Variants in PCDH15 observed in about 807,000 individuals in gnomAD.
The protein encoded by PCDH15 is protocadherin-15.
PCDH15 carries 129 observed loss-of-function variants against 178.5 expected under a neutral mutation model. That is an observed-to-expected ratio of 0.72 (90% CI 0.63 to 0.84). PCDH15 has a LOEUF of 0.84. PCDH15 is among the 40% of genes least tolerant of loss of function. The probability of loss-of-function intolerance (pLI) is 0.00; values close to 1 mark genes in which losing one functional copy is unlikely to be tolerated. For missense variants in PCDH15, 2,230 were observed against 2,099.9 expected, an observed-to-expected ratio of 1.06 and a Z score of -1.21; for synonymous variants, 800 against 732.0, an observed-to-expected ratio of 1.09 and a Z score of -1.50.
Position 55,247,260 on chromosome 10 carries a change from A to G in PCDH15, c.-156+72339T>C, listed in dbSNP as rs574257144. On this transcript the variant is annotated intron_variant, in intron 1 of 5. Coordinates refer to the PCDH15 transcript ENST00000458638. The stretch of plus-strand genomic sequence containing the variant: ...TAGTGGCCAGCCTATAGGTAGTTCT[A>G]GTTTTCATAATGGGAAAATAAAACT... 5.9e-5 allele frequency among the ~76,000 whole-genome samples: 9 copies of G among 152,318 alleles called. No individual in the cohort carries two copies. The South Asian group carries it at 1.9e-3, about 32-fold the overall frequency.
At chr10:54,206,795 G>T (rs1338951616) in intron 10 of PCDH15, among the ~76,000 whole-genome samples, 1 of 151,978 alleles carries the variant, frequency 6.6e-6, no homozygotes, top group Non-Finnish European at 1.5e-5. Context: ...CTCTTTCATT[G>T]TTATATTTCT....
At chr10:54,641,624 G>A (rs1005169502) in intron 2 of PCDH15, among the ~76,000 whole-genome samples, 2 of 151,784 alleles carry the variant, frequency 1.3e-5, no homozygotes, top group African/African-American at 4.8e-5. Context: ...GTGTATCTGT[G>A]TGCATGCACA....
chr10:54,751,653 T>A (rs1289575264), intron 1 of PCDH15, among the ~76,000 whole-genome samples: 2 of 152,182 alleles, frequency 1.3e-5, no homozygotes, highest in Non-Finnish European at 2.9e-5. Context: ...GACTCAAAAA[T>A]CACTTCTTTG....
In PCDH15 at chr10:53,856,126, G is replaced by A. The variant is rs2078726739; in HGVS notation, c.3806+1049C>T. Among the ~76,000 whole-genome samples the A allele has an allele frequency of 2.0e-5, 3 of 151,348 alleles. No individual in the cohort carries two copies. The South Asian group carries it at 6.3e-4, about 32-fold the overall frequency. ...TACAATGGAGTTTGGGGACTCAGGG[G>A]AAAGGGTGGGATGGAGGTGAGGGAT... is the stretch of plus-strand genomic sequence containing the variant. On this transcript the variant is annotated intron_variant, in intron 28 of 37. Transcript: ENST00000644397.
At chr10:55,463,050 G>A (rs1217516153) in intron 2 of PCDH15, among the ~76,000 whole-genome samples, 1 of 151,454 alleles carries the variant, frequency 6.6e-6, no homozygotes, top group East Asian at 1.9e-4. Context: ...GCAAACAAGT[G>A]GGTGATTGCA....
chr10:55,184,286 A>G (rs893131233), intron 1 of PCDH15, among the ~76,000 whole-genome samples: 19 of 152,082 alleles, frequency 1.2e-4, no homozygotes, highest in Admixed American at 1.1e-3. Context: ...TACAGGAAAT[A>G]TGGACTCATC....
intron 15 of PCDH15, among the ~76,000 whole-genome samples, chr10:54,120,010 G>A (rs1309458269): frequency 6.6e-6 from 1 of 151,976 alleles, no homozygotes; most frequent in African/African-American, 2.4e-5. Flanking sequence ...CTTAAAGGCA[G>A]ATAGAGAAAA....
chr10:54,669,542 T>A (rs2135485906), intron 1 of PCDH15, among the ~76,000 whole-genome samples: 1 of 151,088 alleles, frequency 6.6e-6, no homozygotes, highest in African/African-American at 2.4e-5. Context: ...TATCGCCCAC[T>A]TTTTTAAAGT....
intron 7 of PCDH15, among the ~76,000 whole-genome samples, chr10:54,319,423 C>T (rs1020167321): frequency 2.6e-5 from 4 of 151,950 alleles, no homozygotes; most frequent in African/African-American, 7.2e-5. Flanking sequence ...AATAAAGAAG[C>T]CAGACAAAAA....
At chr10:54,097,375 T>C (rs1291539066) in intron 15 of PCDH15, among the ~76,000 whole-genome samples, 4 of 152,220 alleles carry the variant, frequency 2.6e-5, no homozygotes, top group Non-Finnish European at 1.5e-5. Flanking sequence ...CTTCGGGGTC[T>C]TACCTTTGCA....
At chr10:54,477,507 T>C (rs896720296) in intron 3 of PCDH15, among the ~76,000 whole-genome samples, 2 of 152,216 alleles carry the variant, frequency 1.3e-5, no homozygotes, top group Non-Finnish European at 2.9e-5. Context: ...TGAGTATGTG[T>C]TTTGCACACA....
chr10:54,408,047 T>A (rs1952919471), intron 3 of PCDH15, among the ~76,000 whole-genome samples: 1 of 46,812 alleles, frequency 2.1e-5, no homozygotes, highest in East Asian at 2.5e-4. Context: ...AGAATGAGAC[T>A]CTGTCAAAAA....
At chr10:55,602,847 G>T (rs949063587) in intron 2 of PCDH15, among the ~76,000 whole-genome samples, 1 of 152,276 alleles carries the variant, frequency 6.6e-6, no homozygotes, top group Non-Finnish European at 1.5e-5. Flanking sequence ...ACCTCCAAAG[G>T]AACACAGTTC....
chr10:55,219,142 A>T (rs1840796198), intron 1 of PCDH15, among the ~76,000 whole-genome samples: 1 of 151,942 alleles, frequency 6.6e-6, no homozygotes, highest in African/African-American at 2.4e-5. Context: ...ATTTTCACTA[A>T]TCTCAGTATG....
chr10:54,017,175 C>A (rs1437062430), intron 20 of PCDH15, among the ~76,000 whole-genome samples: 1 of 152,048 alleles, frequency 6.6e-6, no homozygotes, highest in Non-Finnish European at 1.5e-5. Context: ...AGTTGTGTGC[C>A]ACCATGCCCA....
At chr10:55,113,364 G>A (rs1028884852) in intron 2 of PCDH15, among the ~76,000 whole-genome samples, 6 of 151,284 alleles carry the variant, frequency 4.0e-5, no homozygotes, top group Non-Finnish European at 8.8e-5. Flanking sequence ...TCTTGCTTGT[G>A]ATGTATGTTA....
chr10:54,315,237 C>T (rs560040757), intron 8 of PCDH15, among the ~76,000 whole-genome samples: 4 of 152,246 alleles, frequency 2.6e-5, no homozygotes, highest in South Asian at 2.1e-4. Context: ...TTTTGACTGA[C>T]TGTGCAATGG....
chr10:54,475,709 G>T (rs1490122833), intron 3 of PCDH15, among the ~76,000 whole-genome samples: 2 of 151,774 alleles, frequency 1.3e-5, no homozygotes, highest in Non-Finnish European at 2.9e-5. Context: ...GAGGGCAAGA[G>T]ATTTCTATTA....
At chr10:54,765,495 T>A (rs1948398713) in intron 1 of PCDH15, among the ~76,000 whole-genome samples, 1 of 152,140 alleles carries the variant, frequency 6.6e-6, no homozygotes, top group Admixed American at 6.5e-5. Context: ...TTGTCTTTTA[T>A]TTTTTAAACT....
Sources: gnomAD v4.1 joint callset for allele counts (sites outside exome capture counted in the v4.1 genomes callset) on GRCh38, gnomAD v4.1.1 for gene constraint, MANE v1.5 for transcripts, NCBI Gene and HGNC (gene_info 2026-07-23, HGNC 2026-07-21) for gene names.